Variants in TP63 observed in about 807,000 individuals in gnomAD.
TP63 encodes tumor protein p63, also known as tumor protein 63.
TP63 carries 17 observed loss-of-function variants against 82.8 expected under a neutral mutation model. The ratio of observed to expected loss-of-function variants is 0.21; its 90% CI spans 0.14 to 0.31. The LOEUF (loss-of-function observed/expected upper bound fraction) is 0.31, where lower values mean the gene tolerates loss of function less well. Ranked by LOEUF, TP63 falls within the 10% of genes least tolerant of loss-of-function variation. The pLI is 1.00. For synonymous variants in TP63, 330 were observed against 321.7 expected, an observed-to-expected ratio of 1.03 and a Z score of -0.28; for missense variants, 648 against 895.3, an observed-to-expected ratio of 0.72 and a Z score of 3.52.
At chr3:189,607,884 CTCTAATAT>C in the TP63 span, among the ~76,000 whole-genome samples, 1 of 151,972 alleles carries the variant, frequency 6.6e-6, no homozygotes, top group Non-Finnish European at 1.5e-5. Context: ...AAACTCATGA[CTCTAATAT>C]TCTAATATTC....
intron 1 of TP63, among the ~76,000 whole-genome samples, chr3:189,727,508 A>G (rs184704861): frequency 3.3e-5 from 5 of 152,344 alleles, no homozygotes; most frequent in Admixed American, 2.0e-4. Context: ...TTTGGACTAG[A>G]TGACTTAAGG....
chr3:189,887,304 A>G (rs1012889695), intron 11 of TP63, among the ~76,000 whole-genome samples: 3 of 152,074 alleles, frequency 2.0e-5, no homozygotes, highest in Non-Finnish European at 4.4e-5. Flanking sequence ...CGAATACTTA[A>G]TTTTCTATCC....
intron 3 of TP63, among the ~76,000 whole-genome samples, chr3:189,765,839 G>A (rs1001886591): frequency 1.3e-5 from 2 of 152,090 alleles, no homozygotes; most frequent in African/African-American, 4.8e-5. Context: ...ATTGTTTTCT[G>A]TTCATGAACA....
intron 1 of TP63, among the ~76,000 whole-genome samples, chr3:189,713,763 T>C (rs1718766049): frequency 1.3e-5 from 2 of 152,180 alleles, no homozygotes; most frequent in Admixed American, 1.3e-4. Context: ...TAATTATAAT[T>C]GATGCTTTTA....
intron 4 of TP63, among the ~76,000 whole-genome samples, chr3:189,851,246 A>G (rs767218720): frequency 3.0e-4 from 45 of 152,190 alleles, no homozygotes; most frequent in Non-Finnish European, 5.7e-4. Context: ...GAAGGGGCGC[A>G]AAGCAGTCTG....
chr3:189,852,934 A>G (rs1715833399), intron 4 of TP63, among the ~76,000 whole-genome samples: 1 of 152,174 alleles, frequency 6.6e-6, no homozygotes, highest in African/African-American at 2.4e-5. Context: ...TGGAAAGCCT[A>G]CTGTTGTCTC....
At chr3:189,629,434 T>A (rs1729387212), upstream of TP63, among the ~76,000 whole-genome samples, 1 of 152,060 alleles carries the variant, frequency 6.6e-6, no homozygotes, top group African/African-American at 2.4e-5. Context: ...ATTAATTAAA[T>A]TTTAAAGACA....
At chr3:189,770,816 C>T (rs1463676603) in intron 3 of TP63, among the ~76,000 whole-genome samples, 2 of 152,120 alleles carry the variant, frequency 1.3e-5, no homozygotes, top group East Asian at 1.9e-4. Context: ...TCAGTCACTT[C>T]CACTGTATAA....
At chr3:189,674,832 G>T (rs894703372) in intron 1 of TP63, among the ~76,000 whole-genome samples, 21 of 152,144 alleles carry the variant, frequency 1.4e-4, no homozygotes, top group Non-Finnish European at 1.5e-5. Context: ...AATCAGAAAT[G>T]AGCTAAGGTG....
At chr3:189,743,503 AAC>A (rs10524434) in intron 3 of TP63, among the ~76,000 whole-genome samples, 28 of 150,780 alleles carry the variant, frequency 1.9e-4, no homozygotes, top group Admixed American at 1.3e-3. Flanking sequence ...TACAAACACA[AAC>A]ACACACACAC....
intron 4 of TP63, among the ~76,000 whole-genome samples, chr3:189,814,947 C>T (rs1728000519): frequency 6.6e-6 from 1 of 152,164 alleles, no homozygotes; most frequent in South Asian, 2.1e-4. Context: ...ATTATAAAAA[C>T]TATTGATTTT....
chr3:189,836,856 C>T (rs970485863), intron 4 of TP63, among the ~76,000 whole-genome samples: 2 of 152,158 alleles, frequency 1.3e-5, no homozygotes, highest in Admixed American at 6.5e-5. Context: ...CAATTCCCCA[C>T]GGCTAATAAT....
chr3:189,753,828 C>T (rs550280446), intron 3 of TP63, among the ~76,000 whole-genome samples: 152 of 152,088 alleles, frequency 1.0e-3, no homozygotes, highest in African/African-American at 3.6e-3. Context: ...CTATATCACT[C>T]ATATTTTTAG....
At chr3:189,681,551 A>T (rs1338356255) in intron 1 of TP63, among the ~76,000 whole-genome samples, 2 of 152,170 alleles carry the variant, frequency 1.3e-5, no homozygotes, top group Non-Finnish European at 2.9e-5. Context: ...CTTTTTGATC[A>T]CTGAAGCCAG....
intron 1 of TP63, among the ~76,000 whole-genome samples, chr3:189,638,285 T>A (rs1008374454): frequency 1.3e-5 from 2 of 152,118 alleles, no homozygotes; most frequent in African/African-American, 4.8e-5. Context: ...CCCATGAATT[T>A]ATTATTTTTT....
intron 4 of TP63, among the ~76,000 whole-genome samples, chr3:189,827,853 A>G (rs1035263041): frequency 1.9e-4 from 29 of 152,176 alleles, no homozygotes; most frequent in African/African-American, 6.5e-4. Flanking sequence ...AGATGACATC[A>G]TGTTCTGTTG....
At chr3:189,808,894 A>C (rs1298262176) in intron 4 of TP63, among the ~76,000 whole-genome samples, 1 of 152,226 alleles carries the variant, frequency 6.6e-6, no homozygotes, top group Non-Finnish European at 1.5e-5. Context: ...TACCAGTCTC[A>C]TTCTTGTAAA....
intron 1 of TP63, among the ~76,000 whole-genome samples, chr3:189,654,506 G>A (rs1350753768): frequency 6.6e-6 from 1 of 152,014 alleles, no homozygotes; most frequent in South Asian, 2.1e-4. Flanking sequence ...CATTTTTGAT[G>A]TTATACTTTT....
the TP63 span, among the ~76,000 whole-genome samples, chr3:189,625,966 C>T: frequency 6.6e-6 from 1 of 152,154 alleles, no homozygotes; most frequent in South Asian, 2.1e-4. Flanking sequence ...TTCCTTCGGA[C>T]ACTCCCTTAA....
Sources: gnomAD v4.1 joint callset for allele counts (sites outside exome capture counted in the v4.1 genomes callset) on GRCh38, gnomAD v4.1.1 for gene constraint, MANE v1.5 for transcripts, NCBI Gene and HGNC (gene_info 2026-07-23, HGNC 2026-07-21) for gene names.